Variants in ZNF606 observed in about 807,000 individuals in gnomAD.
ZNF606 encodes the protein zinc finger protein 328.
A neutral mutation model predicts 74.9 loss-of-function variants in ZNF606; 37 were observed. That is an observed-to-expected ratio of 0.49 (90% CI 0.38 to 0.65). ZNF606 has a LOEUF of 0.65. Among genes scored for constraint, ZNF606 ranks in the 30% least tolerant of loss-of-function variants. ZNF606 has a pLI of 0.00. For missense variants in ZNF606, 852 were observed against 952.9 expected (o/e 0.89, Z 1.39); for synonymous variants, 328 against 312.4 (o/e 1.05, Z -0.53).
intron 4 of ZNF606, among the ~76,000 whole-genome samples, chr19:57,997,207 G>A (rs941367268): frequency 2.0e-5 from 3 of 152,172 alleles, no homozygotes; most frequent in Admixed American, 6.5e-5. Context: ...TTAACAGAGG[G>A]GTTTGAATGC....
chr19:57,993,036 A>T (rs1462170127), intron 4 of ZNF606, among the ~76,000 whole-genome samples: 1 of 152,168 alleles, frequency 6.6e-6, no homozygotes, highest in African/African-American at 2.4e-5. Context: ...TCAGTGAGAG[A>T]GGGAGGCAGG....
In ZNF606 at chr19:57,978,972, AT is replaced by A; in HGVS notation, c.1707del (p.Lys569AsnfsTer48). 1 of 1,614,174 alleles carries A rather than the reference AT, an allele frequency of 6.2e-7. No homozygotes were observed. The highest frequency in any genetic ancestry group is 8.5e-7 in the Non-Finnish European group (1 of 1,180,032). On this transcript the variant is annotated frameshift_variant, in exon 7 of 7. Coordinates refer to ENST00000551380, the MANE Select transcript of ZNF606 (RefSeq NM_001348022.3). LOFTEE classifies it high-confidence loss of function. The surrounding 1 kb of genome is among the most constrained non-coding windows in gnomAD (Gnocchi z 4.4). Reference protein sequence around the residue: ...ERTHSGAKPYKCTECGKSFSW... With the variant: ...ERTHSGAKPYXCTECGKSFSW... Reference sequence around the variant, plus strand: ...CTGAAGGATTTTCCACATTCAGTACATTTATATGGTTTTGCTCCAGAATGAG... The same window carrying A: ...CTGAAGGATTTTCCACATTCAGTACATTATATGGTTTTGCTCCAGAATGAG...
rs780658031 is a variant in ZNF606, at chr19:57,979,425, T to G, written c.1255A>C (p.Lys419Gln). ...FIWSSYLIQH[K>Q]KTHTGEKPYE... The stretch of plus-strand genomic sequence containing the variant: ...GGTTTTTCTCCAGTATGAGTTTTCT[T>G]ATGTTGAATAAGGTAAGAGCTCCAG... The change falls in exon 7 of 7, where the codon AAG (lysine) becomes CAG (glutamine). Residue 419 changes from lysine (K) to glutamine (Q), a missense_variant. This residue lies in a region of ZNF606 where 545 missense variants were observed against 542.5 expected (regional missense o/e 1.00). Transcript: ENST00000551380. The G allele has an allele frequency of 8.1e-6, 13 of 1,614,020 alleles. No individual in the cohort carries two copies. In the Admixed American group the frequency reaches 2.0e-4, roughly 25 times the overall value.
chr19:57,989,842 G>A (rs969251750), intron 4 of ZNF606, among the ~76,000 whole-genome samples: 11 of 151,570 alleles, frequency 7.3e-5, no homozygotes, highest in Non-Finnish European at 7.4e-5. Flanking sequence ...CACGAGCTCA[G>A]GAGATGAGAC....
chr19:58,003,185 A>C (rs941413433), upstream of ZNF606: 3 of 453,618 alleles, frequency 6.6e-6, no homozygotes, highest in Non-Finnish European at 1.3e-5. Context: ...GATTGTGAGA[A>C]AGTGACTGCT....
intron 4 of ZNF606, among the ~76,000 whole-genome samples, chr19:57,992,743 T>C (rs937267473): frequency 2.0e-5 from 3 of 152,338 alleles, no homozygotes; most frequent in Middle Eastern, 3.4e-3. Context: ...GGTGAAATGA[T>C]ACAATTCTGA....
chr19:57,993,220 T>G (rs1014141764), intron 4 of ZNF606, among the ~76,000 whole-genome samples: 28 of 152,204 alleles, frequency 1.8e-4, no homozygotes, highest in African/African-American at 6.3e-4. Context: ...ATTCATGTTG[T>G]TCTAAGCTAT....
chr19:58,000,146 C>T, intron 3 of ZNF606: 1 of 530,476 alleles, frequency 1.9e-6, no homozygotes, highest in South Asian at 2.9e-5. Flanking sequence ...TCACAACCTT[C>T]CTGGGCCTGA....
At chr19:57,990,051 CAAAAAAAAAAAAAAA>C (rs1159494660) in intron 4 of ZNF606, among the ~76,000 whole-genome samples, 1 of 13,836 alleles carries the variant, frequency 7.2e-5, no homozygotes, top group Non-Finnish European at 1.2e-4. Context: ...GACTCCATCT[CAAAAAAAAAAAAAAA>C]AAAAAAAAAA....
chr19:57,985,696 AG>A (rs999934667), intron 6 of ZNF606, among the ~76,000 whole-genome samples: 2 of 151,796 alleles, frequency 1.3e-5, no homozygotes, highest in African/African-American at 4.8e-5. Flanking sequence ...TGGGAGGGCG[AG>A]GTGGGTGGAT....
chr19:57,995,819 AAAAAAG>A (rs2073331968), intron 4 of ZNF606, among the ~76,000 whole-genome samples: 1 of 152,196 alleles, frequency 6.6e-6, no homozygotes, highest in Non-Finnish European at 1.5e-5. Context: ...ACTGTCTCAA[AAAAAAG>A]AAAAAGACTG....
In ZNF606 at chr19:58,002,457, G is replaced by C. The variant is rs2073449882; in HGVS notation, c.-113C>G. ...CAGCAGGATCGGGGTCTGCCCGCCT[G>C]GGGCGTTTGGCTTTTGTCCCGCGCC... On this transcript the variant is annotated 5_prime_UTR_variant, in exon 1 of 7. Transcript: ENST00000551380. 2.2e-6 allele frequency: 1 copy of C among 454,898 alleles called. No homozygotes were observed. 28.2% of individuals were successfully genotyped at this position (454,898 alleles called of 1,614,324 possible).
At chr19:57,999,510 A>G (rs2073384912) in intron 4 of ZNF606, 1 of 499,228 alleles carries the variant, frequency 2.0e-6, no homozygotes, top group Non-Finnish European at 3.6e-6. Flanking sequence ...GGTGCTAAAG[A>G]CATGAGTGAA....
Position 57,979,556 on chromosome 19 carries a change from T to C in ZNF606, c.1124A>G (p.Asn375Ser). Residue 375 changes from asparagine to serine, a missense_variant, in exon 7 of 7, where the codon AAT becomes AGT. By Grantham distance (46) the Asn-to-Ser change is conservative. Transcript: ENST00000551380. ...ATACCCAAAGACTTTCTCCCATTCA[T>C]TGTATTTATACGCTTTCTCTACAGT... ...IGTVEKAYKYNEWEKVFGYDS... is the reference protein window; with the variant it reads ...IGTVEKAYKYSEWEKVFGYDS... The C allele has an allele frequency of 6.2e-7, 1 of 1,613,066 alleles. No homozygotes were observed.
In ZNF606 at chr19:57,977,839, A is replaced by G. The variant is rs1271796449; in HGVS notation, c.*462T>C. 1 of 153,040 alleles carries G rather than the reference A, an allele frequency of 6.5e-6. No individual in the cohort carries two copies. Among genetic ancestry groups the G allele is most frequent in the African/African-American group, 2.4e-5 (1 of 41,456 alleles). The allele number at this position is 153,040 out of a possible 1,614,324, so 9.5% of individuals were successfully genotyped here. A position where few individuals can be genotyped will look rare whatever the true frequency, so the allele number is the denominator to read the frequency against. On this transcript the variant is annotated 3_prime_UTR_variant, in exon 7 of 7. Transcript: ENST00000551380. ...CAGACCCTCCCCTTATAACAACAAA[A>G]TCTGTATTTCTACAATTATGCACAA...
chr19:57,988,604 G>T lies in ZNF606; in HGVS notation c.295C>A (p.Leu99Ile), dbSNP rs143390340. 1 of 1,613,670 alleles carries T rather than the reference G, an allele frequency of 6.2e-7. No homozygotes were observed. Among genetic ancestry groups the T allele is most frequent in the African/African-American group, 1.3e-5 (1 of 75,038 alleles). Residue 99 changes from leucine to isoleucine, a missense_variant, in exon 5 of 7, where the codon CTC becomes ATC. Physicochemically the swap from Leu to Ile is conservative, Grantham distance 5 (BLOSUM62 2). This residue lies in a region of ZNF606 where 545 missense variants were observed against 542.5 expected (regional missense o/e 1.00). Coordinates refer to ENST00000551380, the MANE Select transcript of ZNF606 (RefSeq NM_001348022.3). ...DVMLETYGHLLSVGNQIAKPE... is the reference protein window; with the variant it reads ...DVMLETYGHLISVGNQIAKPE... ...GCAGCACCTGCCTTACCCACAGAGAGCAGGTGACCATAGGTCTCCAGCATC... is the reference window on the plus strand; with the variant it reads ...GCAGCACCTGCCTTACCCACAGAGATCAGGTGACCATAGGTCTCCAGCATC...
chr19:57,986,739 C>T (rs10406514), intron 6 of ZNF606, among the ~76,000 whole-genome samples: 34,176 of 151,952 alleles, frequency 0.22, 3,973 homozygotes, highest in Non-Finnish European at 0.24. Context: ...TTTTGGTATA[C>T]TATTAATATT....
chr19:57,999,667 C>G (rs1600228931), intron 4 of ZNF606, 141 bp downstream of exon 4: 1 of 817,810 alleles, frequency 1.2e-6, no homozygotes, highest in East Asian at 2.6e-5. Flanking sequence ...TTCTCCCTAC[C>G]TGCTCTCAGG....
At position 58,002,699 on chromosome 19, in the gene ZNF606, A is replaced by C. The variant is rs556923101; in HGVS notation, c.-355T>G. ...AAGGGCAGGCGCAGGACCCACCCTG[A>C]CGCCGCCTCTCCCAGCCGGCTCTCC... On this transcript the variant is annotated 5_prime_UTR_variant, in exon 1 of 7. Coordinates refer to ENST00000551380, the MANE Select transcript of ZNF606 (RefSeq NM_001348022.3). The C allele has an allele frequency of 4.4e-6, 2 of 453,876 alleles. No homozygotes were observed. The highest frequency in any genetic ancestry group is 4.0e-5 in the African/African-American group (2 of 49,660). The allele number at this position is 453,876 out of a possible 1,614,324, so 28.1% of individuals were successfully genotyped here.
Sources: gnomAD v4.1 joint callset for allele counts (sites outside exome capture counted in the v4.1 genomes callset) on GRCh38, gnomAD v4.1.1 for gene constraint, gnomAD v4.1.1 regional missense constraint, Gnocchi (gnomAD v3.1) non-coding constraint, MANE v1.5 for transcripts, NCBI Gene and HGNC (gene_info 2026-07-23, HGNC 2026-07-21) for gene names.